The following PTBP2 variants were observed in gnomAD, a reference collection of about 807,000 sequenced individuals.
PTBP2 encodes the protein polypyrimidine tract-binding protein 2.
PTBP2 carries 13 observed loss-of-function variants against 61.4 expected under a neutral mutation model. The ratio of observed to expected loss-of-function variants is 0.21; its 90% CI spans 0.14 to 0.34. The LOEUF is 0.34. PTBP2 is among the 10% of genes least tolerant of loss of function. The pLI is 1.00. For synonymous variants in PTBP2, 215 were observed against 218.5 expected (o/e 0.98, Z 0.14); for missense variants, 405 against 642.6 (o/e 0.63, Z 4.00).
At chr1:96,805,503 C>T (rs553637089) in intron 9 of PTBP2, among the ~76,000 whole-genome samples, 5 of 151,620 alleles carry the variant, frequency 3.3e-5, no homozygotes, top group African/African-American at 1.2e-4. Context: ...TATTCCCCCA[C>T]CCCTTCCTTC....
intron 8 of PTBP2, among the ~76,000 whole-genome samples, chr1:96,800,781 T>TA (rs778897634): frequency 6.0e-4 from 91 of 152,220 alleles, no homozygotes; most frequent in Non-Finnish European, 1.1e-3. Context: ...AATTCTCAAT[T>TA]ACCATTATAA....
At chr1:96,764,969 T>C (rs1570856341) in intron 3 of PTBP2, among the ~76,000 whole-genome samples, 4 of 152,296 alleles carry the variant, frequency 2.6e-5, no homozygotes, top group African/African-American at 9.6e-5. Context: ...GGTGAGGCTT[T>C]TTGCGTGGTG....
chr1:96,811,294 TTC>T (rs1479593845), intron 11 of PTBP2, among the ~76,000 whole-genome samples: 1 of 152,226 alleles, frequency 6.6e-6, no homozygotes, highest in African/African-American at 2.4e-5. Context: ...TCTTTGTATC[TTC>T]TGTGTCAAAA....
intron 2 of PTBP2, among the ~76,000 whole-genome samples, chr1:96,743,276 TA>T (rs35637528): frequency 1.5e-3 from 220 of 143,992 alleles, no homozygotes; most frequent in African/African-American, 3.1e-3. Flanking sequence ...GACTCCGTCT[TA>T]AAAAAAAAAA....
chr1:96,772,918 G>A (rs1257088719), intron 5 of PTBP2, among the ~76,000 whole-genome samples: 6 of 149,410 alleles, frequency 4.0e-5, no homozygotes, highest in South Asian at 2.1e-4. Context: ...TTCAAGACCC[G>A]CCTGACCAAC....
chr1:96,726,460 C>T (rs1022394664), intron 2 of PTBP2, among the ~76,000 whole-genome samples: 17 of 143,182 alleles, frequency 1.2e-4, no homozygotes, highest in African/African-American at 3.9e-4. Context: ...TTTTTCGAGA[C>T]GGAGTCTCGC....
chr1:96,741,664 T>C (rs1017035067), intron 2 of PTBP2, among the ~76,000 whole-genome samples: 6 of 152,208 alleles, frequency 3.9e-5, no homozygotes, highest in Non-Finnish European at 5.9e-5. Flanking sequence ...ATTTATGTTT[T>C]TCTTTTAAAA....
rs1662278765 is a variant in PTBP2 at position 96,813,601 on chromosome 1, A to G, written c.*196A>G. 5 of 400,368 alleles carry G rather than the reference A, an allele frequency of 1.2e-5. No individual in the cohort carries two copies. The highest frequency in any genetic ancestry group is 2.2e-5 in the African/African-American group (1 of 45,990). The allele number at this position is 400,368 out of a possible 1,614,324, so 24.8% of individuals were successfully genotyped here. ...TGTAAAGGCAGAGTTGTTAACTGCT[A>G]TATTTCATCTGTTCTATAGGGAAGC... On this transcript the variant is annotated 3_prime_UTR_variant, in exon 14 of 14. Transcript: ENST00000674951.
intron 11 of PTBP2, among the ~76,000 whole-genome samples, chr1:96,810,549 C>T (rs1661974431): frequency 6.6e-6 from 1 of 152,128 alleles, no homozygotes; most frequent in Non-Finnish European, 1.5e-5. Context: ...TTATTTTAAT[C>T]CCATTCCTCT....
intron 1 of PTBP2, among the ~76,000 whole-genome samples, chr1:96,722,331 A>G (rs1478392584): frequency 6.6e-6 from 1 of 151,944 alleles, no homozygotes; most frequent in Non-Finnish European, 1.5e-5. Flanking sequence ...GAGGCACCCC[A>G]TGTGGACCCC....
At chr1:96,763,959 C>G (rs986874067) in intron 3 of PTBP2, among the ~76,000 whole-genome samples, 2 of 152,144 alleles carry the variant, frequency 1.3e-5, no homozygotes, top group African/African-American at 4.8e-5. Context: ...ATTCAGATGA[C>G]TCAAAAGGAC....
At chr1:96,724,526 A>G (rs989497824) in intron 2 of PTBP2, among the ~76,000 whole-genome samples, 1 of 151,800 alleles carries the variant, frequency 6.6e-6, no homozygotes, top group Non-Finnish European at 1.5e-5. Flanking sequence ...TGACCTCCCA[A>G]AGTGCTGGGA....
chr1:96,756,527 A>T (rs1402595361), intron 3 of PTBP2, among the ~76,000 whole-genome samples: 1 of 152,238 alleles, frequency 6.6e-6, no homozygotes, highest in African/African-American at 2.4e-5. Flanking sequence ...AGTTGCCAGA[A>T]CTTCATAGCA....
At chr1:96,819,568 G>A (rs886656520), downstream of PTBP2, 2 of 151,728 alleles carry the variant, frequency 1.3e-5, no homozygotes, top group East Asian at 3.9e-4. Context: ...CAACCAGTTA[G>A]ATTCTTTTTA....
intron 10 of PTBP2, 167 bp from the exon 11 acceptor site, chr1:96,806,699 C>A: frequency 1.5e-6 from 1 of 666,624 alleles, no homozygotes; most frequent in Non-Finnish European, 2.5e-6. Context: ...TTTCAAAATT[C>A]ACTGTTCAAA....
chr1:96,728,175 C>G (rs561964454), intron 2 of PTBP2, among the ~76,000 whole-genome samples: 6 of 151,958 alleles, frequency 3.9e-5, no homozygotes, highest in Admixed American at 6.6e-5. Context: ...TTTATAGACC[C>G]GGGGTCTCTC....
exon 14 of PTBP2, chr1:96,821,074 T>C (rs1662668601): frequency 6.6e-6 from 1 of 152,206 alleles, no homozygotes. Context: ...CATTTTCTCA[T>C]CTGTACAATG....
At chr1:96,800,317 A>C (rs1660841924) in intron 8 of PTBP2, among the ~76,000 whole-genome samples, 1 of 151,806 alleles carries the variant, frequency 6.6e-6, no homozygotes, top group African/African-American at 2.4e-5. Context: ...TTCGAGCCCA[A>C]ATTTTTCTGT....
rs1322072801 is a variant in PTBP2, at chr1:96,737,449, T to G, written c.39+13855T>G. Among the ~76,000 whole-genome samples the G allele has an allele frequency of 2.6e-5, 4 of 151,756 alleles. No individual in the cohort carries two copies. In the South Asian group the frequency reaches 6.2e-4, roughly 24 times the overall value. ...ATTGGGGAGGGGGGTTGACTGAAAT[T>G]AAAGATGTATAATCCAAAAGAAGGC... is the stretch of plus-strand genomic sequence containing the variant. On this transcript the variant is annotated intron_variant, in intron 2 of 13. Coordinates refer to ENST00000674951, the MANE Select transcript of PTBP2 (RefSeq NM_021190.4).
Sources: gnomAD v4.1 joint callset for allele counts (sites outside exome capture counted in the v4.1 genomes callset) on GRCh38, gnomAD v4.1.1 for gene constraint, MANE v1.5 for transcripts, NCBI Gene and HGNC (gene_info 2026-07-23, HGNC 2026-07-21) for gene names.